The following KCNMA1 variants were observed in gnomAD, a reference collection of about 807,000 sequenced individuals.
KCNMA1 encodes potassium calcium-activated channel subfamily M alpha 1.
A neutral mutation model predicts 140.0 loss-of-function variants in KCNMA1; 29 were observed. That is an observed-to-expected ratio of 0.21 (90% CI 0.15 to 0.28). The LOEUF is 0.28. Ranked by LOEUF, KCNMA1 falls within the 10% of genes least tolerant of loss-of-function variation. The pLI is 1.00. For synonymous variants in KCNMA1, 612 were observed against 611.9 expected (o/e 1.00, Z 0.00); for missense variants, 880 against 1,602.2 (o/e 0.55, Z 7.70).
intron 1 of KCNMA1, among the ~76,000 whole-genome samples, chr10:77,622,099 A>G (rs1057200206): frequency 3.3e-5 from 5 of 152,192 alleles, no homozygotes; most frequent in African/African-American, 1.2e-4. Flanking sequence ...TATATAGCCC[A>G]CTGCCTGTCA....
intron 2 of KCNMA1, among the ~76,000 whole-genome samples, chr10:77,265,991 G>T (rs2063323204): frequency 6.6e-6 from 1 of 150,722 alleles, no homozygotes; most frequent in African/African-American, 2.4e-5. Context: ...TGAGGCAAGA[G>T]AATCCCTTGA....
intron 1 of KCNMA1, among the ~76,000 whole-genome samples, chr10:77,588,873 A>C (rs561327410): frequency 3.5e-4 from 53 of 152,348 alleles, no homozygotes; most frequent in South Asian, 6.2e-4. Flanking sequence ...AAGAAACAAG[A>C]AGCAGCAAGA....
intron 1 of KCNMA1, among the ~76,000 whole-genome samples, chr10:77,515,424 C>T (rs1189924056): frequency 1.3e-5 from 2 of 152,120 alleles, no homozygotes; most frequent in Non-Finnish European, 2.9e-5. Flanking sequence ...CCAAACACAC[C>T]TGTAGACTGC....
In KCNMA1 at chr10:77,413,704, C is replaced by T. The variant is rs145919609; in HGVS notation, c.379-9681G>A. On this transcript the variant is annotated intron_variant, in intron 1 of 27. Transcript: ENST00000286628. ...GGGAAGTTGCATAGTCCAACCTCTC[C>T]CTGGCTGCCATCACTTCTCCTGCTC... 1.6e-3 allele frequency among the ~76,000 whole-genome samples: 244 copies of T among 152,252 alleles called. 1 individual carries two copies. The highest frequency in any genetic ancestry group is 5.5e-3 in the African/African-American group (230 of 41,540).
intron 23 of KCNMA1, among the ~76,000 whole-genome samples, chr10:76,943,547 G>T (rs1012488511): frequency 1.1e-4 from 16 of 152,158 alleles, no homozygotes; most frequent in African/African-American, 3.4e-4. Context: ...TCTGATAGAA[G>T]ATTTGAACCT....
intron 5 of KCNMA1, among the ~76,000 whole-genome samples, chr10:77,128,667 T>G (rs1450506849): frequency 2.0e-5 from 3 of 152,140 alleles, no homozygotes; most frequent in Admixed American, 6.5e-5. Context: ...TAAATATTAA[T>G]AAATATTTTA....
chr10:76,942,165 G>C (rs571059146), intron 23 of KCNMA1, among the ~76,000 whole-genome samples: 1 of 152,044 alleles, frequency 6.6e-6, no homozygotes, highest in African/African-American at 2.4e-5. Context: ...GTAGAGATTG[G>C]GTTTCGCCAT....
chr10:77,322,723 G>C (rs1448003413), intron 2 of KCNMA1, among the ~76,000 whole-genome samples: 1 of 152,062 alleles, frequency 6.6e-6, no homozygotes, highest in Non-Finnish European at 1.5e-5. Context: ...CCTGGGAGCT[G>C]GCAGATAAAC....
intron 2 of KCNMA1, among the ~76,000 whole-genome samples, chr10:77,346,878 G>A (rs74321660): frequency 5.4e-4 from 83 of 152,340 alleles, no homozygotes; most frequent in African/African-American, 2.0e-3. Flanking sequence ...GCCCTGTCCA[G>A]CATAAACATG....
chr10:77,302,463 G>A (rs1277455590), intron 2 of KCNMA1, among the ~76,000 whole-genome samples: 1 of 152,140 alleles, frequency 6.6e-6, no homozygotes, highest in Admixed American at 6.5e-5. Context: ...CAGGCCCACT[G>A]TAGGAGACAC....
In KCNMA1 at chr10:77,517,467, C is replaced by T. The variant is rs979403609; in HGVS notation, c.379-113444G>A. 2.0e-5 allele frequency among the ~76,000 whole-genome samples: 3 copies of T among 152,168 alleles called. 1 individual carries two copies. The South Asian group carries it at 6.2e-4, about 32-fold the overall frequency. On this transcript the variant is annotated intron_variant, in intron 1 of 27. Coordinates refer to ENST00000286628, the MANE Select transcript of KCNMA1 (RefSeq NM_001161352.2). ...GCACCAGTGCAGTGCAGGACATGGG[C>T]GTGTTATTACCAGCTCCATGGTTAA...
chr10:77,342,968 A>G (rs1257619514), intron 2 of KCNMA1, among the ~76,000 whole-genome samples: 1 of 152,176 alleles, frequency 6.6e-6, no homozygotes, highest in African/African-American at 2.4e-5. Flanking sequence ...CAGGTCTCCG[A>G]GAGCTTTGAC....
chr10:77,565,079 C>T (rs1434108757), intron 1 of KCNMA1, among the ~76,000 whole-genome samples: 1 of 152,218 alleles, frequency 6.6e-6, no homozygotes, highest in East Asian at 1.9e-4. Flanking sequence ...GCACCCATCT[C>T]TGTCCCAGTG....
chr10:77,518,959 G>A (rs1248216506), intron 1 of KCNMA1, among the ~76,000 whole-genome samples: 1 of 152,214 alleles, frequency 6.6e-6, no homozygotes, highest in Non-Finnish European at 1.5e-5. Flanking sequence ...CTATTAGAAA[G>A]TTAATCATGG....
intron 22 of KCNMA1, among the ~76,000 whole-genome samples, chr10:76,948,206 A>G (rs1286696909): frequency 6.6e-6 from 1 of 151,910 alleles, no homozygotes; most frequent in African/African-American, 2.4e-5. Flanking sequence ...AGGTCTCACC[A>G]TGTTGCCCAG....
chr10:77,381,602 T>A (rs980008205), intron 2 of KCNMA1, among the ~76,000 whole-genome samples: 1 of 152,178 alleles, frequency 6.6e-6, no homozygotes, highest in Admixed American at 6.5e-5. Flanking sequence ...TAGAGCCTGT[T>A]GGGACCCAGT....
At chr10:77,212,447 G>C (rs1348184648) in intron 3 of KCNMA1, among the ~76,000 whole-genome samples, 1 of 152,158 alleles carries the variant, frequency 6.6e-6, no homozygotes, top group African/African-American at 2.4e-5. Flanking sequence ...TGGACTACTA[G>C]AGAGGGGAGG....
chr10:77,538,155 C>T (rs2059372618), intron 1 of KCNMA1, among the ~76,000 whole-genome samples: 1 of 151,746 alleles, frequency 6.6e-6, no homozygotes, highest in South Asian at 2.1e-4. Flanking sequence ...ACACACTCTA[C>T]ACATACTCTA....
At chr10:76,887,816 C>A in intron 27 of KCNMA1, 1 of 412,074 alleles carries the variant, frequency 2.4e-6, no homozygotes, top group South Asian at 2.4e-5. Context: ...AGGTCAAAGT[C>A]ACTTTCAAGT....
Sources: allele counts gnomAD v4.1 joint callset (sites outside exome capture counted in the v4.1 genomes callset), GRCh38; gene constraint gnomAD v4.1.1; transcripts MANE v1.5; gene names NCBI Gene and HGNC (gene_info 2026-07-23, HGNC 2026-07-21).